Variants in SLC30A8 observed in about 807,000 individuals in gnomAD.
The protein encoded by SLC30A8 is proton-coupled zinc antiporter SLC30A8.
A neutral mutation model predicts 36.9 loss-of-function variants in SLC30A8; 27 were observed. The observed-to-expected ratio is 0.73, with a 90% CI of 0.54 to 1.01. The LOEUF (loss-of-function observed/expected upper bound fraction) is 1.01, where lower values mean the gene tolerates loss of function less well. SLC30A8 is among the 50% of genes least tolerant of loss of function. The pLI is 0.00. For missense variants in SLC30A8, 439 were observed against 452.0 expected (o/e 0.97, Z 0.26); for synonymous variants, 164 against 172.4 (o/e 0.95, Z 0.38).
chr8:117,097,325 G>A (rs1472504571), intron 2 of SLC30A8, among the ~76,000 whole-genome samples: 2 of 140,728 alleles, frequency 1.4e-5, no homozygotes, highest in African/African-American at 5.3e-5. Context: ...CGTTTACCGG[G>A]GGTGGAGCTT....
intron 2 of SLC30A8, among the ~76,000 whole-genome samples, chr8:117,059,468 G>T (rs924232777): frequency 2.0e-5 from 3 of 152,186 alleles, no homozygotes; most frequent in African/African-American, 7.2e-5. Flanking sequence ...ACATCTACTA[G>T]TATAGAGTAA....
At chr8:116,971,993 G>T (rs1425683461) in intron 1 of SLC30A8, among the ~76,000 whole-genome samples, 2 of 152,040 alleles carry the variant, frequency 1.3e-5, no homozygotes, top group African/African-American at 2.4e-5. Context: ...GTTTAAACTA[G>T]AACAATGATA....
intron 2 of SLC30A8, among the ~76,000 whole-genome samples, chr8:117,149,540 T>C (rs1047723108): frequency 2.6e-5 from 4 of 152,160 alleles, no homozygotes; most frequent in Admixed American, 2.6e-4. Context: ...TATACACACA[T>C]CTAAGAAAGA....
rs1030546510 is a variant in SLC30A8 at position 117,044,396 on chromosome 8, G to A, written c.-226+5138G>A. Among the ~76,000 whole-genome samples, 3 of 152,116 alleles carry A rather than the reference G, an allele frequency of 2.0e-5. No individual in the cohort carries two copies. In the East Asian group the frequency reaches 5.8e-4, roughly 29 times the overall value. On this transcript the variant is annotated intron_variant, in intron 2 of 10. Coordinates refer to the SLC30A8 transcript ENST00000427715. ...AAAGGGTGATGGAGAATCCAGTAAC[G>A]AGGCCTGGAAACCAAAGGGCAAATT...
At chr8:117,021,152 G>T (rs1816684531) in intron 1 of SLC30A8, among the ~76,000 whole-genome samples, 1 of 152,128 alleles carries the variant, frequency 6.6e-6, no homozygotes, top group Admixed American at 6.5e-5. Context: ...TAGTGTAATA[G>T]CCTTGATTTT....
At chr8:117,121,935 AATACT>A (rs1407860486) in intron 2 of SLC30A8, among the ~76,000 whole-genome samples, 1 of 151,970 alleles carries the variant, frequency 6.6e-6, no homozygotes, top group Non-Finnish European at 1.5e-5. Flanking sequence ...GATAGTTAAC[AATACT>A]ATACACTCAG....
rs1447412340 is a variant in SLC30A8, at chr8:117,153,185, A to G, written c.418+95A>G. Reference sequence around the variant, plus strand: ...GACACGAAGCAAAGCCTTGTTGGAAAGTCCTTAGAGACACATTTCTGATGC... The same window carrying G: ...GACACGAAGCAAAGCCTTGTTGGAAGGTCCTTAGAGACACATTTCTGATGC... On this transcript the variant is annotated intron_variant, in intron 3 of 7. Transcript: ENST00000456015. The G allele has an allele frequency of 2.3e-6, 3 of 1,287,462 alleles. No individual in the cohort carries two copies. The African/African-American group carries it at 4.4e-5, about 19-fold the overall frequency. The allele number at this position is 1,287,462 out of a possible 1,614,324, so 79.8% of individuals were successfully genotyped here. A position where few individuals can be genotyped will look rare whatever the true frequency, so the allele number is the denominator to read the frequency against.
At chr8:117,169,641 G>A (rs1328733416) in intron 6 of SLC30A8, among the ~76,000 whole-genome samples, 3 of 152,088 alleles carry the variant, frequency 2.0e-5, no homozygotes, top group Admixed American at 1.3e-4. Context: ...TGGTTCTGCA[G>A]GCTGTACAGG....
rs1252684404 is a variant in SLC30A8, at chr8:117,168,093, T to C, written c.830-2941T>C. 4.3e-5 allele frequency among the ~76,000 whole-genome samples: 6 copies of C among 139,830 alleles called. No homozygotes were observed. The East Asian group carries it at 1.2e-3, about 29-fold the overall frequency. 91.7% of individuals were successfully genotyped at this position (139,830 alleles called of 152,430 possible). On this transcript the variant is annotated intron_variant, in intron 6 of 7. Coordinates refer to ENST00000456015, the MANE Select transcript of SLC30A8 (RefSeq NM_173851.3). ...CGGTATGGGGGAACTGCCCCCATGA[T>C]TCAATTATCTTCACCTGGCCCCCAC... is the stretch of plus-strand genomic sequence containing the variant.
At chr8:117,157,625 T>C in intron 3 of SLC30A8, 66 bp from the exon 4 acceptor site, 1 of 1,576,180 alleles carries the variant, frequency 6.3e-7, no homozygotes, top group Non-Finnish European at 8.7e-7. Context: ...TTATGACTCT[T>C]GGGGGTGTAG....
intron 2 of SLC30A8, chr8:117,128,616 T>C (rs549287850): frequency 6.6e-6 from 1 of 152,194 alleles, no homozygotes; most frequent in Admixed American, 6.5e-5. Context: ...TAAAACACCT[T>C]GCTGAGCACA....
intron 2 of SLC30A8, among the ~76,000 whole-genome samples, chr8:117,070,385 T>G (rs1048325236): frequency 2.0e-5 from 3 of 152,154 alleles, no homozygotes; most frequent in Admixed American, 6.6e-5. Flanking sequence ...TCTCCTAAAG[T>G]ACCTCAGACG....
intron 1 of SLC30A8, among the ~76,000 whole-genome samples, chr8:117,019,148 C>G (rs868538048): frequency 6.6e-5 from 10 of 152,236 alleles, no homozygotes; most frequent in African/African-American, 2.2e-4. Context: ...ACAACAATCC[C>G]CACAGAGACT....
In SLC30A8 at chr8:117,174,452, T is replaced by A. The variant is rs1482074722; in HGVS notation, c.*1771T>A. ...TGCTCAGTAGAGACAAATATACTCA[T>A]CCCCCACCTCAGTGAGCTTGTTTAG... On this transcript the variant is annotated 3_prime_UTR_variant, in exon 8 of 8. Transcript: ENST00000456015. 1 of 152,526 alleles carries A rather than the reference T, an allele frequency of 6.6e-6. No individual in the cohort carries two copies. The highest frequency in any genetic ancestry group is 1.5e-5 in the Non-Finnish European group (1 of 68,028). 9.4% of individuals were successfully genotyped at this position (152,526 alleles called of 1,614,324 possible).
Position 117,145,362 on chromosome 8 carries a change from AT to A in SLC30A8, c.72-1583del, listed in dbSNP as rs560123505. On this transcript the variant is annotated intron_variant, in intron 1 of 7. Transcript: ENST00000456015. Reference sequence around the variant, plus strand: ...CAGTTATTTTTCCCTCTACTTTGTGATTTTTTTTTGTAATCCAGATTTTCTA... The same window carrying A: ...CAGTTATTTTTCCCTCTACTTTGTGATTTTTTTTGTAATCCAGATTTTCTA... 5.8e-3 allele frequency among the ~76,000 whole-genome samples: 870 copies of A among 151,056 alleles called. 22 individuals carry two copies. Among genetic ancestry groups the A allele is most frequent in the Admixed American group, 0.051 (773 of 15,158 alleles).
At chr8:117,011,609 T>C (rs1261460713) in intron 1 of SLC30A8, among the ~76,000 whole-genome samples, 6 of 152,192 alleles carry the variant, frequency 3.9e-5, no homozygotes, top group Non-Finnish European at 1.5e-5. Context: ...TGGTGGACCC[T>C]CTGTAATTTT....
At chr8:116,975,298 TCTG>T (rs1563730252) in intron 1 of SLC30A8, among the ~76,000 whole-genome samples, 6 of 152,206 alleles carry the variant, frequency 3.9e-5, no homozygotes, top group African/African-American at 7.2e-5. Context: ...ACTGCTTAGC[TCTG>T]GGATAGTATA....
At chr8:117,005,476 G>A (rs368563886) in intron 1 of SLC30A8, among the ~76,000 whole-genome samples, 25 of 152,232 alleles carry the variant, frequency 1.6e-4, no homozygotes, top group African/African-American at 4.6e-4. Flanking sequence ...TTCATCAGTC[G>A]TTGGACTTTT....
intron 2 of SLC30A8, among the ~76,000 whole-genome samples, chr8:117,110,299 A>C (rs1265064668): frequency 6.6e-6 from 1 of 152,076 alleles, no homozygotes; most frequent in Non-Finnish European, 1.5e-5. Flanking sequence ...ATGGTAGTCT[A>C]ACATCGTGCT....
Sources: gnomAD v4.1 joint callset for allele counts (sites outside exome capture counted in the v4.1 genomes callset) on GRCh38, gnomAD v4.1.1 for gene constraint, MANE v1.5 for transcripts, NCBI Gene and HGNC (gene_info 2026-07-23, HGNC 2026-07-21) for gene names.